The following SSBP3 variants were observed in gnomAD, a reference collection of about 807,000 sequenced individuals.
SSBP3 encodes single stranded DNA binding protein 3.
SSBP3 carries 5 observed loss-of-function variants against 69.6 expected under a neutral mutation model. The ratio of observed to expected loss-of-function variants is 0.07; its 90% CI spans 0.04 to 0.15. The LOEUF (loss-of-function observed/expected upper bound fraction) is 0.15, where lower values mean the gene tolerates loss of function less well. Among genes scored for constraint, SSBP3 ranks in the 10% least tolerant of loss-of-function variants. The pLI is 1.00. For synonymous variants in SSBP3, 196 were observed against 193.4 expected, an observed-to-expected ratio of 1.01 and a Z score of -0.11; for missense variants, 312 against 534.0, an observed-to-expected ratio of 0.58 and a Z score of 4.10.
Position 54,240,975 on chromosome 1 carries a change from A to G in SSBP3, c.802-16T>C, listed in dbSNP as rs1644626264. The G allele has an allele frequency of 1.2e-6, 2 of 1,602,838 alleles. No homozygotes were observed. The highest frequency in any genetic ancestry group is 1.3e-5 in the African/African-American group (1 of 74,366). On this transcript the variant is annotated splice_polypyrimidine_tract_variant and intron_variant, in intron 12 of 17. Transcript: ENST00000610401. ...CAGGGGGTCCCTAAAGATGAGACAA[A>G]ACTGACATCAGACACCCACGGTGGT... is the stretch of plus-strand genomic sequence containing the variant.
intron 4 of SSBP3, among the ~76,000 whole-genome samples, chr1:54,351,999 A>G (rs1264041056): frequency 1.3e-5 from 2 of 152,168 alleles, no homozygotes; most frequent in African/African-American, 4.8e-5. Context: ...AAAACACATG[A>G]AGACCCCCGA....
intron 4 of SSBP3, among the ~76,000 whole-genome samples, chr1:54,296,027 T>C (rs958435875): frequency 6.6e-6 from 1 of 152,248 alleles, no homozygotes; most frequent in Non-Finnish European, 1.5e-5. Context: ...ATGCCTACTA[T>C]CAATAAACAT....
chr1:54,412,209 G>A (rs912026733), intron 1 of SSBP3, among the ~76,000 whole-genome samples: 1 of 151,858 alleles, frequency 6.6e-6, no homozygotes, highest in Non-Finnish European at 1.5e-5. Flanking sequence ...TGTGCCTGTA[G>A]TCCCAGCTAC....
intron 14 of SSBP3, among the ~76,000 whole-genome samples, 198 bp from the exon 15 acceptor site, chr1:54,229,024 G>C (rs1229751144): frequency 6.6e-6 from 1 of 152,350 alleles, no homozygotes; most frequent in African/African-American, 2.4e-5. Flanking sequence ...CAGGGCAGAG[G>C]TGCTCATTCC....
At position 54,313,360 on chromosome 1, in the gene SSBP3, T is replaced by G. The variant is rs960461720; in HGVS notation, c.277-31833A>C. Among the ~76,000 whole-genome samples the G allele has an allele frequency of 2.6e-5, 4 of 151,890 alleles. No individual in the cohort carries two copies. In the East Asian group the frequency reaches 7.7e-4, roughly 29 times the overall value. ...TCTGATACAGTCTAGGGCTCCTGCT[T>G]TCTCTTCTGTCTCAAGGCTTCCCTG... is the stretch of plus-strand genomic sequence containing the variant. On this transcript the variant is annotated intron_variant, in intron 4 of 17. Coordinates refer to ENST00000610401, the Ensembl canonical transcript of SSBP3.
At chr1:54,404,799 T>C in intron 2 of SSBP3, 59 bp downstream of exon 2, 2 of 680,898 alleles carry the variant, frequency 2.9e-6, no homozygotes, top group Non-Finnish European at 4.5e-6. Context: ...ACAAAGGCTC[T>C]AAGAATAGTG....
At chr1:54,265,125 T>A (rs2100787280) in intron 5 of SSBP3, among the ~76,000 whole-genome samples, 1 of 152,160 alleles carries the variant, frequency 6.6e-6, no homozygotes, top group South Asian at 2.1e-4. Context: ...GCCATGGACA[T>A]CCGGAATCTG....
intron 4 of SSBP3, among the ~76,000 whole-genome samples, chr1:54,281,945 A>G (rs1409699099): frequency 6.6e-6 from 1 of 151,898 alleles, no homozygotes; most frequent in East Asian, 1.9e-4. Context: ...AAAAATAAAA[A>G]ATTAGCTGGG....
intron 14 of SSBP3, 114 bp from the exon 15 acceptor site, chr1:54,228,940 G>T: frequency 9.1e-7 from 1 of 1,100,054 alleles, no homozygotes; most frequent in Non-Finnish European, 1.3e-6. Flanking sequence ...CCCTGCTCCG[G>T]CAGGCTCTGC....
intron 4 of SSBP3, among the ~76,000 whole-genome samples, chr1:54,327,271 A>AGGAAGGAAGGAAGG (rs1553139345): frequency 1.3e-5 from 2 of 151,188 alleles, no homozygotes; most frequent in Admixed American, 6.6e-5. Context: ...GAAGGAAGGA[A>AGGAAGGAAGGAAGG]AACAACAACA....
chr1:54,400,066 T>C (rs1649185728), intron 4 of SSBP3, among the ~76,000 whole-genome samples: 2 of 152,226 alleles, frequency 1.3e-5, no homozygotes, highest in Non-Finnish European at 2.9e-5. Flanking sequence ...CAGTGATCTC[T>C]ATACATTTCT....
At chr1:54,251,715 C>T in intron 8 of SSBP3, 23 bp from the exon 9 acceptor site, 1 of 1,577,148 alleles carries the variant, frequency 6.3e-7, no homozygotes, top group Non-Finnish European at 8.6e-7. Context: ...GGAGGCGCGT[C>T]ATGGGATGGC....
chr1:54,394,433 C>A (rs1202290023), intron 4 of SSBP3, among the ~76,000 whole-genome samples: 2 of 151,464 alleles, frequency 1.3e-5, no homozygotes, highest in African/African-American at 4.9e-5. Context: ...AAAACAAGAT[C>A]ATTCCACACA....
chr1:54,391,087 GTTTTCTCAAGTCAGTGGTGGCC>G (rs1648458057), intron 4 of SSBP3, among the ~76,000 whole-genome samples: 1 of 152,234 alleles, frequency 6.6e-6, no homozygotes, highest in Non-Finnish European at 1.5e-5. Context: ...TTAGGTGGAG[GTTTTCTCAAGTCAGTGGTGGCC>G]CCAGGCTTGC....
chr1:54,314,635 T>C (rs992812824), intron 4 of SSBP3, among the ~76,000 whole-genome samples: 2 of 152,260 alleles, frequency 1.3e-5, no homozygotes, highest in African/African-American at 2.4e-5. Context: ...ACAAAGATTC[T>C]ATGAACTTAA....
chr1:54,387,281 C>T (rs1648162782), intron 4 of SSBP3, among the ~76,000 whole-genome samples: 1 of 152,172 alleles, frequency 6.6e-6, no homozygotes, highest in Non-Finnish European at 1.5e-5. Context: ...TTAAAAAGAA[C>T]TCAATGATTC....
intron 4 of SSBP3, among the ~76,000 whole-genome samples, chr1:54,312,857 G>A (rs891121428): frequency 2.0e-5 from 3 of 152,122 alleles, no homozygotes; most frequent in African/African-American, 7.2e-5. Context: ...CCCTCCAGTG[G>A]GGGTTGATTG....
At chr1:54,406,587 G>A (rs1395594185), upstream of SSBP3, among the ~76,000 whole-genome samples, 1 of 151,842 alleles carries the variant, frequency 6.6e-6, no homozygotes, top group African/African-American at 2.4e-5. Context: ...GCCTGCTCCT[G>A]CAGGCGAACT....
chr1:54,353,393 C>A (rs187379488), intron 4 of SSBP3, among the ~76,000 whole-genome samples: 4 of 152,206 alleles, frequency 2.6e-5, no homozygotes, highest in African/African-American at 9.6e-5. Context: ...TCAACACCCC[C>A]GCTCCTGCCC....
Sources: allele counts gnomAD v4.1 joint callset (sites outside exome capture counted in the v4.1 genomes callset), GRCh38; gene constraint gnomAD v4.1.1; transcripts MANE v1.5; gene names NCBI Gene and HGNC (gene_info 2026-07-23, HGNC 2026-07-21).